PDE7B: variants seen among roughly 807,000 people sequenced by gnomAD.
PDE7B encodes 3',5'-cyclic-AMP phosphodiesterase 7B.
PDE7B carries 29 observed loss-of-function variants against 56.2 expected under a neutral mutation model. That is an observed-to-expected ratio of 0.52 (90% confidence interval 0.38 to 0.70). The LOEUF is 0.70. PDE7B is among the 30% of genes least tolerant of loss of function. The pLI is 0.00. For synonymous variants in PDE7B, 197 were observed against 196.9 expected, an observed-to-expected ratio of 1.00 and a Z score of 0.00; for missense variants, 490 against 565.0, an observed-to-expected ratio of 0.87 and a Z score of 1.35.
chr6:135,984,093 A>G (rs1289819748), intron 2 of PDE7B, among the ~76,000 whole-genome samples: 1 of 152,152 alleles, frequency 6.6e-6, no homozygotes, highest in Non-Finnish European at 1.5e-5. Flanking sequence ...TCATCCACCT[A>G]TTAGACCAGC....
At chr6:135,995,571 T>C (rs762138031) in intron 2 of PDE7B, among the ~76,000 whole-genome samples, 28 of 150,444 alleles carry the variant, frequency 1.9e-4, no homozygotes, top group South Asian at 4.2e-4. Flanking sequence ...CTGAGGAGAA[T>C]AGAAAATTAG....
intron 2 of PDE7B, among the ~76,000 whole-genome samples, chr6:136,073,952 T>G (rs911651973): frequency 2.0e-5 from 3 of 152,204 alleles, no homozygotes; most frequent in Non-Finnish European, 4.4e-5. Context: ...GTTCCCATAT[T>G]CTTTCCAATA....
intron 2 of PDE7B, among the ~76,000 whole-genome samples, chr6:135,991,104 C>G (rs1011149591): frequency 6.6e-6 from 1 of 152,158 alleles, no homozygotes; most frequent in African/African-American, 2.4e-5. Flanking sequence ...AGTGAGACGA[C>G]CAGAGGTCAC....
At chr6:136,139,805 G>A (rs1008858483) in intron 3 of PDE7B, among the ~76,000 whole-genome samples, 2 of 151,858 alleles carry the variant, frequency 1.3e-5, no homozygotes, top group Non-Finnish European at 2.9e-5. Flanking sequence ...TCGCCCACTT[G>A]TTGATGGGGT....
At chr6:136,160,501 G>A (rs1241459333) in intron 8 of PDE7B, among the ~76,000 whole-genome samples, 1 of 152,150 alleles carries the variant, frequency 6.6e-6, no homozygotes, top group Admixed American at 6.6e-5. Flanking sequence ...GTGTATGCAA[G>A]CCTGCTCGCC....
At chr6:136,005,381 G>T (rs1775761136) in intron 2 of PDE7B, among the ~76,000 whole-genome samples, 1 of 152,056 alleles carries the variant, frequency 6.6e-6, no homozygotes, top group Non-Finnish European at 1.5e-5. Flanking sequence ...AAGAGCTTCT[G>T]CACAGCAAAA....
intron 2 of PDE7B, among the ~76,000 whole-genome samples, chr6:135,962,142 A>T (rs1165160151): frequency 6.6e-6 from 1 of 152,194 alleles, no homozygotes; most frequent in African/African-American, 2.4e-5. Context: ...GCCCTAAAAA[A>T]ACCAAAGACT....
chr6:136,170,646 AT>A (rs1778863313), intron 8 of PDE7B, among the ~76,000 whole-genome samples: 1 of 152,114 alleles, frequency 6.6e-6, no homozygotes, highest in Non-Finnish European at 1.5e-5. Context: ...AGGAAGCAAA[AT>A]TTATTTCTTA....
chr6:136,171,763 A>G (rs60854102), intron 8 of PDE7B, among the ~76,000 whole-genome samples: 3,855 of 147,374 alleles, frequency 0.026, 160 homozygotes, highest in African/African-American at 0.09. Flanking sequence ...CATTAGGTAT[A>G]TCTCCTAAAG....
chr6:135,967,406 A>G (rs891370551), intron 2 of PDE7B, among the ~76,000 whole-genome samples: 1 of 152,244 alleles, frequency 6.6e-6, no homozygotes, highest in Admixed American at 6.5e-5. Context: ...GTCACTTTCT[A>G]TCAAGAAACC....
intron 1 of PDE7B, among the ~76,000 whole-genome samples, chr6:135,927,631 T>G (rs1416112071): frequency 1.3e-5 from 2 of 152,160 alleles, no homozygotes; most frequent in African/African-American, 4.8e-5. Flanking sequence ...CCTAGGAATT[T>G]TATTCTTTTT....
At chr6:136,152,066 A>G (rs1460269377) in intron 6 of PDE7B, among the ~76,000 whole-genome samples, 1 of 152,212 alleles carries the variant, frequency 6.6e-6, no homozygotes, top group Non-Finnish European at 1.5e-5. Flanking sequence ...CTGAGGAAGA[A>G]GAGGAAGAGG....
intron 3 of PDE7B, among the ~76,000 whole-genome samples, chr6:136,139,629 C>T (rs532056622): frequency 3.5e-4 from 54 of 152,294 alleles, no homozygotes; most frequent in African/African-American, 1.3e-3. Flanking sequence ...TCTCCAGTAC[C>T]TGTTGTTTCC....
At chr6:136,134,127 T>G (rs1459259876) in intron 3 of PDE7B, among the ~76,000 whole-genome samples, 2 of 151,860 alleles carry the variant, frequency 1.3e-5, no homozygotes, top group African/African-American at 4.8e-5. Flanking sequence ...TGGTGGTAGG[T>G]GAGATAGATT....
chr6:136,154,238 C>G, intron 7 of PDE7B, 63 bp downstream of exon 7: 6 of 890,766 alleles, frequency 6.7e-6, no homozygotes, highest in Non-Finnish European at 1.1e-5. Context: ...ACCTGCTAGG[C>G]CCAAGTTACC....
chr6:136,181,134 G>C, intron 10 of PDE7B, 93 bp from the exon 11 acceptor site: 1 of 847,742 alleles, frequency 1.2e-6, no homozygotes, highest in Non-Finnish European at 2.0e-6. Context: ...ACTGTGAGCA[G>C]ACTGAACAGC....
chr6:136,013,600 T>C (rs1180248821), intron 2 of PDE7B, among the ~76,000 whole-genome samples: 3 of 152,198 alleles, frequency 2.0e-5, no homozygotes, highest in African/African-American at 4.8e-5. Flanking sequence ...ATGTGATTTC[T>C]GGAACATAAG....
At chr6:135,874,324 G>A (rs1175790489) in intron 1 of PDE7B, among the ~76,000 whole-genome samples, 2 of 152,098 alleles carry the variant, frequency 1.3e-5, no homozygotes, top group Non-Finnish European at 2.9e-5. Flanking sequence ...TTACTCTGTT[G>A]CTGAGTTTTC....
chr6:136,112,650 A>G (rs1777768471), intron 3 of PDE7B: 1 of 151,462 alleles, frequency 6.6e-6, no homozygotes, highest in South Asian at 2.1e-4. Context: ...CACTGCCATC[A>G]CTTTACTTTC....
Sources: allele counts gnomAD v4.1 joint callset (sites outside exome capture counted in the v4.1 genomes callset), GRCh38; gene constraint gnomAD v4.1.1; transcripts MANE v1.5; gene names NCBI Gene and HGNC (gene_info 2026-07-23, HGNC 2026-07-21).